Variants in SPATA6L observed in about 807,000 individuals in gnomAD.
SPATA6L encodes the protein spermatogenesis associated 6 like.
Under a neutral mutation model 49.2 loss-of-function variants are expected in SPATA6L, and 68 were observed. That is an observed-to-expected ratio of 1.38 (90% CI 1.14 to 1.69). The LOEUF is 1.69. Among genes scored for constraint, SPATA6L ranks in the 40% most tolerant of loss-of-function variants. The pLI is 0.00. For missense variants in SPATA6L, 668 were observed against 464.3 expected (o/e 1.44, Z -4.03); for synonymous variants, 198 against 165.7 (o/e 1.19, Z -1.50).
At position 4,600,506 on chromosome 9, in the gene SPATA6L, A is replaced by AGAGAGG. The variant is rs1391896228; in HGVS notation, c.*304_*305insCCTCTC. The AGAGAGG allele has an allele frequency of 1.3e-5, 2 of 151,770 alleles. No individual in the cohort carries two copies. Among genetic ancestry groups the AGAGAGG allele is most frequent in the African/African-American group, 4.8e-5 (2 of 41,270 alleles). The allele number at this position is 151,770 out of a possible 1,614,324, so 9.4% of individuals were successfully genotyped here. ...GCCAGAGAGAGCCAGAGAGAGAGAG[A>AGAGAGG]GGGGAAGTGTTCAGATAAGCACCTG... On this transcript the variant is annotated 3_prime_UTR_variant, in exon 12 of 12. Transcript: ENST00000682582.
At chr9:4,595,778 A>T (rs1261726900), downstream of SPATA6L, among the ~76,000 whole-genome samples, 1 of 152,210 alleles carries the variant, frequency 6.6e-6, no homozygotes, top group Non-Finnish European at 1.5e-5. Context: ...TATATTATTA[A>T]GTTAATCAAT....
In SPATA6L at chr9:4,599,931, G is replaced by A. The variant is rs7019924; in HGVS notation, c.*880C>T. On this transcript the variant is annotated 3_prime_UTR_variant, in exon 12 of 12. Transcript: ENST00000682582. ...TTTCAGGCCCCTCTTCTCTGGGTCT[G>A]TATCAATGAAGACAAATGTGCCTCT... Among the ~76,000 whole-genome samples the A allele has an allele frequency of 0.71, 107,209 of 152,034 alleles. 38,433 individuals carry two copies. The highest frequency in any genetic ancestry group is 0.81 in the Middle Eastern group (237 of 294).
chr9:4,623,425 C>T (rs936267966), intron 6 of SPATA6L, among the ~76,000 whole-genome samples: 2 of 151,868 alleles, frequency 1.3e-5, no homozygotes, highest in Non-Finnish European at 2.9e-5. Flanking sequence ...AGGGACTCTT[C>T]CAAATAGCTA....
At chr9:4,658,055 C>A (rs1179975457) in intron 2 of SPATA6L, among the ~76,000 whole-genome samples, 1 of 152,088 alleles carries the variant, frequency 6.6e-6, no homozygotes, top group Non-Finnish European at 1.5e-5. Context: ...AGGAGAGAGG[C>A]CTGGAATAGG....
intron 2 of SPATA6L, among the ~76,000 whole-genome samples, chr9:4,656,374 G>A (rs1387948894): frequency 6.6e-6 from 1 of 151,964 alleles, no homozygotes. Flanking sequence ...AGGAGACAGA[G>A]GTTGCAGGGA....
chr9:4,626,403 G>C (rs1564201973), intron 5 of SPATA6L: 7 of 1,302,442 alleles, frequency 5.4e-6, no homozygotes, highest in Non-Finnish European at 7.1e-6. Context: ...TGAGATCTGA[G>C]TTCCAGCTCA....
chr9:4,639,053 G>A (rs1833471205), intron 3 of SPATA6L, among the ~76,000 whole-genome samples: 1 of 152,068 alleles, frequency 6.6e-6, no homozygotes, highest in Admixed American at 6.6e-5. Context: ...TCCTCTTCAA[G>A]AAAATGTAAA....
At chr9:4,591,547 A>G (rs917622931) in intron 13 of SPATA6L, among the ~76,000 whole-genome samples, 1 of 152,144 alleles carries the variant, frequency 6.6e-6, no homozygotes, top group Non-Finnish European at 1.5e-5. Context: ...CATCCTCAAC[A>G]CCTGCTTCTG....
chr9:4,638,094 T>G (rs891048756), intron 3 of SPATA6L, among the ~76,000 whole-genome samples: 1 of 152,196 alleles, frequency 6.6e-6, no homozygotes, highest in African/African-American at 2.4e-5. Context: ...TCTAAGAGTA[T>G]TAAACAATTA....
At chr9:4,596,212 C>T (rs988297778), downstream of SPATA6L, among the ~76,000 whole-genome samples, 4 of 152,146 alleles carry the variant, frequency 2.6e-5, no homozygotes, top group African/African-American at 9.7e-5. Flanking sequence ...TGACCCCTCC[C>T]GACCCCACAG....
At chr9:4,653,513 T>A (rs761229550) in intron 3 of SPATA6L, among the ~76,000 whole-genome samples, 1 of 152,140 alleles carries the variant, frequency 6.6e-6, no homozygotes, top group Non-Finnish European at 1.5e-5. Flanking sequence ...CTGAAATTCA[T>A]CAAAATTAAA....
At chr9:4,645,807 A>G (rs1835251651) in intron 3 of SPATA6L, among the ~76,000 whole-genome samples, 1 of 152,208 alleles carries the variant, frequency 6.6e-6, no homozygotes, top group South Asian at 2.1e-4. Flanking sequence ...CAACAGAGAT[A>G]GAATTAGTGG....
intron 3 of SPATA6L, chr9:4,646,634 T>C (rs1172765382): frequency 2.1e-6 from 1 of 478,288 alleles, no homozygotes; most frequent in Non-Finnish European, 3.5e-6. Flanking sequence ...GTAATAATAA[T>C]AAAAATAATA....
rs1020961508 is a variant in SPATA6L, at chr9:4,618,202, G to A, written c.808-92C>T. On this transcript the variant is annotated intron_variant, in intron 8 of 11. Transcript: ENST00000682582. ...GGGGGTTGGACAAGGAAGATAACTCGGGCTAAGATGACAGAATATTTGCCC... is the reference window on the plus strand; with the variant it reads ...GGGGGTTGGACAAGGAAGATAACTCAGGCTAAGATGACAGAATATTTGCCC... 4.4e-5 allele frequency: 48 copies of A among 1,086,330 alleles called. No homozygotes were observed. In the East Asian group the frequency reaches 5.1e-4, roughly 11 times the overall value. 67.3% of individuals were successfully genotyped at this position (1,086,330 alleles called of 1,614,324 possible). A position where few individuals can be genotyped will look rare whatever the true frequency, so the allele number is the denominator to read the frequency against.
At chr9:4,638,860 CTG>C (rs1833423648) in intron 3 of SPATA6L, among the ~76,000 whole-genome samples, 1 of 151,408 alleles carries the variant, frequency 6.6e-6, no homozygotes, top group Non-Finnish European at 1.5e-5. Context: ...TCTCAGCTAA[CTG>C]CAACCTCCGC....
At chr9:4,606,726 A>G (rs904044798) in intron 9 of SPATA6L, among the ~76,000 whole-genome samples, 17 of 144,218 alleles carry the variant, frequency 1.2e-4, no homozygotes, top group African/African-American at 4.5e-4. Context: ...AAACTCTAAA[A>G]AGCAGAGCGC....
rs751411376 is a variant in SPATA6L, at chr9:4,617,909, T to C, written c.995+14A>G. The C allele has an allele frequency of 9.4e-6, 15 of 1,591,406 alleles. No homozygotes were observed. The highest frequency in any genetic ancestry group is 1.2e-5 in the Non-Finnish European group (14 of 1,166,714). On this transcript the variant is annotated intron_variant, in intron 9 of 11. Coordinates refer to ENST00000682582, the MANE Select transcript of SPATA6L (RefSeq NM_001353486.2). The stretch of plus-strand genomic sequence containing the variant: ...TGCACTCGTCAGGCAAACAGATGGG[T>C]GCTTGCCACTGACCTTTCTCTGAGA...
At chr9:4,660,185 C>T (rs1563731656) in intron 2 of SPATA6L, among the ~76,000 whole-genome samples, 1 of 152,186 alleles carries the variant, frequency 6.6e-6, no homozygotes. Flanking sequence ...CAAATGGGAT[C>T]TAATTAAACT....
Position 4,660,210 on chromosome 9 carries a change from C to T in SPATA6L, c.177+1689G>A, listed in dbSNP as rs142714582. Among the ~76,000 whole-genome samples the T allele has an allele frequency of 9.9e-4, 151 of 152,238 alleles. 3 individuals are homozygous for T. The highest frequency in any genetic ancestry group is 4.4e-4 in the Non-Finnish European group (30 of 68,010). On this transcript the variant is annotated intron_variant, in intron 2 of 11. Coordinates refer to ENST00000682582, the MANE Select transcript of SPATA6L (RefSeq NM_001353486.2). The stretch of plus-strand genomic sequence containing the variant: ...CTAATTAAACTAAAGAGCTTCTGCA[C>T]AGCAAAAGAAACTACCATTAGAGTG...
Sources: gnomAD v4.1 joint callset for allele counts (sites outside exome capture counted in the v4.1 genomes callset) on GRCh38, gnomAD v4.1.1 for gene constraint, MANE v1.5 for transcripts, NCBI Gene and HGNC (gene_info 2026-07-23, HGNC 2026-07-21) for gene names.